Variants in PIK3C2G observed in about 807,000 individuals in gnomAD.
The protein encoded by PIK3C2G is phosphatidylinositol-4-phosphate 3-kinase catalytic subunit type 2 gamma.
In PIK3C2G, 168 loss-of-function variants were observed where a neutral mutation model predicts 181.1. The ratio of observed to expected loss-of-function variants is 0.93; its 90% CI spans 0.82 to 1.05. The LOEUF is 1.05. Among genes scored for constraint, PIK3C2G ranks in the 50% least tolerant of loss-of-function variants. The pLI is 0.00. For synonymous variants in PIK3C2G, 573 were observed against 592.2 expected (o/e 0.97, Z 0.47); for missense variants, 1,869 against 1,732.8 (o/e 1.08, Z -1.40).
chr12:18,508,449 A>G (rs1384270876), intron 24 of PIK3C2G, among the ~76,000 whole-genome samples: 1 of 152,006 alleles, frequency 6.6e-6, no homozygotes, highest in Non-Finnish European at 1.5e-5. Flanking sequence ...GTTTGTTCTT[A>G]TTGTTTTTTA....
chr12:18,705,021 G>C, the PIK3C2G span: 2 of 933,262 alleles, frequency 2.1e-6, no homozygotes, highest in South Asian at 1.5e-5. Context: ...ACATTCCCTA[G>C]GCAACATTGC....
At chr12:18,374,875 C>T (rs1248205318) in intron 13 of PIK3C2G, among the ~76,000 whole-genome samples, 1 of 152,148 alleles carries the variant, frequency 6.6e-6, no homozygotes, top group Non-Finnish European at 1.5e-5. Flanking sequence ...ACACCTGCTC[C>T]TCCTTTGCCT....
At chr12:18,670,281 T>A in the PIK3C2G span, among the ~76,000 whole-genome samples, 1 of 151,746 alleles carries the variant, frequency 6.6e-6, no homozygotes. Context: ...TTACAGAAAT[T>A]ACACACATAT....
At chr12:18,589,007 C>A (rs1163613370) in intron 29 of PIK3C2G, among the ~76,000 whole-genome samples, 1 of 151,940 alleles carries the variant, frequency 6.6e-6, no homozygotes, top group Non-Finnish European at 1.5e-5. Context: ...AACCAATTAC[C>A]AAATGTTCTC....
intron 25 of PIK3C2G, 47 bp from the exon 26 acceptor site, chr12:18,546,276 A>G: frequency 8.9e-7 from 1 of 1,127,384 alleles, no homozygotes; most frequent in Non-Finnish European, 1.3e-6. Flanking sequence ...TTGTATCTGC[A>G]TTTATTCTGT....
chr12:18,434,395 T>G (rs1946333269), intron 18 of PIK3C2G, among the ~76,000 whole-genome samples: 1 of 152,148 alleles, frequency 6.6e-6, no homozygotes, highest in South Asian at 2.1e-4. Context: ...TCAAATGTAT[T>G]CCCTGAACCT....
intron 29 of PIK3C2G, 100 bp downstream of exon 29, chr12:18,567,157 G>C (rs1429479580): frequency 3.1e-6 from 2 of 637,512 alleles, no homozygotes; most frequent in Non-Finnish European, 5.5e-6. Context: ...CAGTACTTTG[G>C]GAGGTCAAGG....
chr12:18,619,673 A>C (rs1948755356), intron 31 of PIK3C2G, among the ~76,000 whole-genome samples: 1 of 152,078 alleles, frequency 6.6e-6, no homozygotes, highest in Admixed American at 6.5e-5. Flanking sequence ...GAAAATTTCC[A>C]GAGATGTATC....
At chr12:18,504,219 A>T (rs150341400) in intron 23 of PIK3C2G, among the ~76,000 whole-genome samples, 1 of 152,212 alleles carries the variant, frequency 6.6e-6, no homozygotes, top group Non-Finnish European at 1.5e-5. Flanking sequence ...CCCAGAGTTC[A>T]TCTATTCCAC....
chr12:18,500,521 G>C (rs1417209751), intron 22 of PIK3C2G, among the ~76,000 whole-genome samples: 2 of 152,212 alleles, frequency 1.3e-5, no homozygotes, highest in Non-Finnish European at 2.9e-5. Flanking sequence ...TAAGGGCTGA[G>C]GAGTGTGGGC....
intron 5 of PIK3C2G, among the ~76,000 whole-genome samples, chr12:18,302,477 T>C (rs911591320): frequency 2.6e-5 from 4 of 152,028 alleles, no homozygotes; most frequent in African/African-American, 9.7e-5. Flanking sequence ...GAGTAGAATG[T>C]TATGGGTGGG....
chr12:18,604,042 C>T (rs1381431967), intron 30 of PIK3C2G, among the ~76,000 whole-genome samples: 1 of 152,216 alleles, frequency 6.6e-6, no homozygotes, highest in Non-Finnish European at 1.5e-5. Flanking sequence ...TGGTACCTCA[C>T]ATTTCAATAC....
chr12:18,599,957 A>T (rs1238396550), intron 30 of PIK3C2G, among the ~76,000 whole-genome samples: 1 of 151,978 alleles, frequency 6.6e-6, no homozygotes, highest in African/African-American at 2.4e-5. Flanking sequence ...AAATTATTGA[A>T]CACACAAGAA....
rs953947811 is a variant in PIK3C2G, at chr12:18,324,137, G to A, written c.1209-898G>A. Among the ~76,000 whole-genome samples, 3 of 151,820 alleles carry A rather than the reference G, an allele frequency of 2.0e-5. No individual in the cohort carries two copies. The South Asian group carries it at 6.2e-4, about 32-fold the overall frequency. ...CCGGATGCTGAGGCAGGAGAATGAC[G>A]TGAACCCCGGGGGGCGGAGCCTGCA... On this transcript the variant is annotated intron_variant, in intron 7 of 32. Transcript: ENST00000538779.
At chr12:18,650,716 A>ATATATATATATATC (rs1950460866), downstream of PIK3C2G, among the ~76,000 whole-genome samples, 2 of 4,732 alleles carry the variant, frequency 4.2e-4, no homozygotes, top group Non-Finnish European at 9.7e-4. Context: ...ATATATCTAT[A>ATATATATATATATC]TATATATATA....
At chr12:18,476,288 C>T (rs1393891948) in intron 18 of PIK3C2G, among the ~76,000 whole-genome samples, 1 of 152,000 alleles carries the variant, frequency 6.6e-6, no homozygotes, top group Non-Finnish European at 1.5e-5. Context: ...AGCATTACAG[C>T]TTGAGAAAGC....
the PIK3C2G span, among the ~76,000 whole-genome samples, chr12:18,680,255 A>G: frequency 0.016 from 2,460 of 152,174 alleles, 69 homozygotes; most frequent in African/African-American, 0.057. Flanking sequence ...ACTAACCAAC[A>G]GCACAAGCTT....
chr12:18,307,069 T>C (rs574573325), intron 5 of PIK3C2G, among the ~76,000 whole-genome samples: 6 of 149,594 alleles, frequency 4.0e-5, no homozygotes, highest in Non-Finnish European at 8.9e-5. Context: ...GTTTGAATGT[T>C]ATCTAGGATG....
intron 29 of PIK3C2G, among the ~76,000 whole-genome samples, chr12:18,586,675 T>C (rs2136451493): frequency 6.6e-6 from 1 of 152,218 alleles, no homozygotes; most frequent in South Asian, 2.1e-4. Context: ...ACTGAAACTG[T>C]TCCAAAAAAT....
Sources: gnomAD v4.1 joint callset for allele counts (sites outside exome capture counted in the v4.1 genomes callset) on GRCh38, gnomAD v4.1.1 for gene constraint, MANE v1.5 for transcripts, NCBI Gene and HGNC (gene_info 2026-07-23, HGNC 2026-07-21) for gene names.